Variants in MIA3 observed in about 807,000 individuals in gnomAD.
MIA3 encodes the protein MIA SH3 domain ER export factor 3, also known as transport and Golgi organization protein 1 homolog.
Under a neutral mutation model 192.4 loss-of-function variants are expected in MIA3, and 90 were observed. That is an observed-to-expected ratio of 0.47 (90% CI 0.39 to 0.56). The LOEUF (loss-of-function observed/expected upper bound fraction) is 0.56. Among genes scored for constraint, MIA3 ranks in the 20% least tolerant of loss-of-function variants. MIA3 has a pLI of 0.00. For missense variants in MIA3, 2,123 were observed against 2,269.4 expected (o/e 0.94, Z 1.31); for synonymous variants, 740 against 792.8 (o/e 0.93, Z 1.12).
In MIA3 at chr1:222,665,322, T is replaced by C. The variant is rs560977127; in HGVS notation, c.5427T>C (p.Arg1809=). The C allele has an allele frequency of 1.4e-5, 22 of 1,609,582 alleles. No individual in the cohort carries two copies. In the South Asian group the frequency reaches 2.4e-4, roughly 18 times the overall value. ...PLPPPFGPGM[R]PPLGLREFAP... ...TTTGTTTTCCAGGCCCTGGTATGCG[T>C]CCACCACTAGGCTTAAGAGAATTTG... Residue 1809 remains arginine, a synonymous_variant, in exon 28 of 28, where the codon CGT becomes CGC. Coordinates refer to ENST00000344922, the MANE Select transcript of MIA3 (RefSeq NM_198551.4).
rs1006757742 is a variant in MIA3 at position 222,666,863 on chromosome 1, C to T, written c.*1244C>T. On this transcript the variant is annotated 3_prime_UTR_variant, in exon 28 of 28. Transcript: ENST00000344922. Reference sequence around the variant, plus strand: ...CAATGTTTCTTTAAATACTCTACAACGTTTCTAAGAACGAACTTCAGACAT... The same window carrying T: ...CAATGTTTCTTTAAATACTCTACAATGTTTCTAAGAACGAACTTCAGACAT... 16 of 152,098 alleles carry T rather than the reference C, an allele frequency of 1.1e-4. No homozygotes were observed. The highest frequency in any genetic ancestry group is 3.4e-4 in the African/African-American group (14 of 41,426). The allele number at this position is 152,098 out of a possible 1,614,324, so 9.4% of individuals were successfully genotyped here.
At chr1:222,620,023 T>C (rs1661786569) in intron 1 of MIA3, among the ~76,000 whole-genome samples, 1 of 152,188 alleles carries the variant, frequency 6.6e-6, no homozygotes, top group Non-Finnish European at 1.5e-5. Context: ...TTCCCAACCT[T>C]AAATTGTCCA....
At chr1:222,662,634 A>C (rs1037635192) in intron 26 of MIA3, 13 of 482,548 alleles carry the variant, frequency 2.7e-5, no homozygotes, top group Non-Finnish European at 4.2e-5. Context: ...TGACGGATTC[A>C]TTGGCCTTTT....
In MIA3 at chr1:222,659,460, A is replaced by G; in HGVS notation, c.4717A>G (p.Ile1573Val). The change falls in exon 20 of 28, where the codon ATT becomes GTT. Residue 1573 changes from isoleucine (I) to valine (V), a missense_variant. Coordinates refer to ENST00000344922, the MANE Select transcript of MIA3 (RefSeq NM_198551.4). ...GCCAAGTGTAATTCTTAGGCGGAGA[A>G]TTGAAGAAATGGAGGATGAATTACA... is the stretch of plus-strand genomic sequence containing the variant. ...AEEVKTYKRR[I>V]EEMEDELQKT... 1 of 1,613,826 alleles carries G rather than the reference A, an allele frequency of 6.2e-7. No individual in the cohort carries two copies. The highest frequency in any genetic ancestry group is 1.1e-5 in the South Asian group (1 of 91,032).
At chr1:222,651,081 A>T (rs1002022600) in intron 11 of MIA3, among the ~76,000 whole-genome samples, 178 bp downstream of exon 11, 2 of 152,172 alleles carry the variant, frequency 1.3e-5, no homozygotes, top group African/African-American at 4.8e-5. Flanking sequence ...AATTATTCTT[A>T]CAGGCCTAGG....
chr1:222,663,267 T>C (rs1323343138), intron 26 of MIA3, among the ~76,000 whole-genome samples: 1 of 152,160 alleles, frequency 6.6e-6, no homozygotes, highest in African/African-American at 2.4e-5. Context: ...GGAATACACA[T>C]TTCTTGAGAA....
Position 222,665,549 on chromosome 1 carries a change from G to A in MIA3, c.5654G>A (p.Arg1885Lys). The A allele has an allele frequency of 1.9e-6, 3 of 1,614,122 alleles. No homozygotes were observed. The highest frequency in any genetic ancestry group is 2.5e-6 in the Non-Finnish European group (3 of 1,179,982). The change falls in exon 28 of 28, where the codon AGA (arginine) becomes AAA (lysine). Residue 1885 changes from arginine (R) to lysine (K), a missense_variant. This residue lies in a region of MIA3 where 762 missense variants were observed against 856.4 expected (regional missense o/e 0.89). Coordinates refer to ENST00000344922, the MANE Select transcript of MIA3 (RefSeq NM_198551.4). ...AVRDLLPSGS[R>K]DEPPPASQST... ...AGAGACTTACTGCCGTCAGGCTCTA[G>A]AGATGAGCCTCCACCTGCCTCTCAG... is the stretch of plus-strand genomic sequence containing the variant.
At chr1:222,660,554 A>T in intron 24 of MIA3, 1 of 300,594 alleles carries the variant, frequency 3.3e-6, no homozygotes, top group South Asian at 5.8e-5. Flanking sequence ...CTGAAGTGTA[A>T]GCCCTTATCT....
intron 2 of MIA3, among the ~76,000 whole-genome samples, chr1:222,623,640 A>G (rs1233343318): frequency 6.6e-6 from 1 of 152,172 alleles, no homozygotes; most frequent in African/African-American, 2.4e-5. Context: ...TGGCTTTCAG[A>G]TAGTTTTCAG....
rs2124943226 is a variant in MIA3 at position 222,667,486 on chromosome 1, AT to A, written c.*1872del. Reference sequence around the variant, plus strand: ...TAAGTAGGAAAGGTAAATTAAATCTATTTTTAAAATTCAAAATATTAGAGTA... The same window carrying A: ...TAAGTAGGAAAGGTAAATTAAATCTATTTTAAAATTCAAAATATTAGAGTA... On this transcript the variant is annotated 3_prime_UTR_variant, in exon 28 of 28. Transcript: ENST00000344922. The A allele has an allele frequency of 6.6e-6, 1 of 152,324 alleles. No homozygotes were observed. Among genetic ancestry groups the A allele is most frequent in the African/African-American group, 2.4e-5 (1 of 41,592 alleles). The allele number at this position is 152,324 out of a possible 1,614,324, so 9.4% of individuals were successfully genotyped here. A position where few individuals can be genotyped will look rare whatever the true frequency, so the allele number is the denominator to read the frequency against.
At position 222,629,409 on chromosome 1, in the gene MIA3, T is replaced by A. The variant is rs1410279247; in HGVS notation, c.2189T>A (p.Leu730Gln). 6.2e-7 allele frequency: 1 copy of A among 1,613,998 alleles called. No homozygotes were observed. Among genetic ancestry groups the A allele is most frequent in the Admixed American group, 1.7e-5 (1 of 60,018 alleles). The change falls in exon 4 of 28, where the codon CTA becomes CAA. Residue 730 changes from leucine (L) to glutamine (Q), a missense_variant. Coordinates refer to ENST00000344922, the MANE Select transcript of MIA3 (RefSeq NM_198551.4). The stretch of plus-strand genomic sequence containing the variant: ...GAGGATGATTATCCCTCTGAAGAAC[T>A]ACTAGAGGATGAAAACGCTATAAAT... ...VEEDDYPSEE[L>Q]LEDENAINAK...
chr1:222,630,519 C>T (rs1426546803), intron 4 of MIA3, 130 bp downstream of exon 4: 11 of 817,134 alleles, frequency 1.3e-5, no homozygotes, highest in Non-Finnish European at 1.8e-5. Flanking sequence ...ACAGGGAGGT[C>T]CACATGTTCC....
chr1:222,655,154 A>G (rs1663651723), intron 18 of MIA3, among the ~76,000 whole-genome samples: 1 of 152,236 alleles, frequency 6.6e-6, no homozygotes, highest in African/African-American at 2.4e-5. Flanking sequence ...AAACAGTCTG[A>G]GGGATTTGTA....
rs769464287 is a variant in MIA3, at chr1:222,624,820, A to G, written c.320A>G (p.Glu107Gly). The G allele has an allele frequency of 1.9e-6, 3 of 1,601,994 alleles. No homozygotes were observed. The highest frequency in any genetic ancestry group is 1.7e-5 in the Admixed American group (1 of 59,854). ...AAAGATTTAATCCAGGTAGTTCATG[A>G]ATATACCAAAGAAGAGCTACAAGTT... ...FPKDLIQVVHEYTKEELQVPT... is the reference protein window; with the variant it reads ...FPKDLIQVVHGYTKEELQVPT... Residue 107 changes from glutamate (E) to glycine (G), a missense_variant, in exon 3 of 28, where the codon GAA becomes GGA. Around this residue, in one of 3 missense-constraint regions of MIA3, gnomAD observed 1,357 missense variants for 1,396.1 expected, o/e 0.97. Transcript: ENST00000344922.
intron 6 of MIA3, among the ~76,000 whole-genome samples, chr1:222,635,717 G>A (rs575261747): frequency 3.3e-5 from 5 of 152,270 alleles, no homozygotes; most frequent in South Asian, 4.2e-4. Context: ...GGTCAGACTC[G>A]TAGATCAATA....
intron 6 of MIA3, among the ~76,000 whole-genome samples, chr1:222,634,550 A>G (rs1293449789): frequency 6.6e-6 from 1 of 152,196 alleles, no homozygotes; most frequent in Admixed American, 6.5e-5. Flanking sequence ...CATGCTCCAA[A>G]TGAGACATTT....
rs367885881 is a variant in MIA3, at chr1:222,654,516, G to C, written c.4468+37G>C. The C allele has an allele frequency of 4.2e-5, 66 of 1,572,418 alleles. No homozygotes were observed. In the Admixed American group the frequency reaches 1.1e-3, roughly 27 times the overall value. ...CTTGAGAAGAAATTGCTATATATTG[G>C]AAAGATACAAAATTGCATTAGAAAG... On this transcript the variant is annotated intron_variant, in intron 17 of 27. Transcript: ENST00000344922.
At chr1:222,655,484 C>T (rs1419677001) in intron 18 of MIA3, among the ~76,000 whole-genome samples, 2 of 152,184 alleles carry the variant, frequency 1.3e-5, no homozygotes, top group African/African-American at 4.8e-5. Flanking sequence ...ATGTTTTACT[C>T]TTTGGTGTAT....
In MIA3 at chr1:222,628,051, C is replaced by G; in HGVS notation, c.831C>G (p.Thr277=). Residue 277 remains threonine (T), a synonymous_variant, in exon 4 of 28, where the codon ACC becomes ACG. Coordinates refer to ENST00000344922, the MANE Select transcript of MIA3 (RefSeq NM_198551.4). ...LKKEMTLDLK[T]KFGSTADALV... ...AAGAAATGACTCTAGACTTGAAAACCAAATTTGGCTCAACAGCTGATGCAC... is the reference window on the plus strand; with the variant it reads ...AAGAAATGACTCTAGACTTGAAAACGAAATTTGGCTCAACAGCTGATGCAC... The G allele has an allele frequency of 6.2e-7, 1 of 1,614,066 alleles. No homozygotes were observed. The highest frequency in any genetic ancestry group is 2.2e-5 in the East Asian group (1 of 44,874).
Sources: allele counts gnomAD v4.1 joint callset (sites outside exome capture counted in the v4.1 genomes callset), GRCh38; gene constraint gnomAD v4.1.1; regional missense constraint gnomAD v4.1.1; transcripts MANE v1.5; gene names NCBI Gene and HGNC (gene_info 2026-07-23, HGNC 2026-07-21).